HAPSTR1: variants seen among roughly 807,000 people sequenced by gnomAD.
HAPSTR1 encodes HUWE1-associated protein modifying stress responses 1.
the HAPSTR1 span, chr16:9,109,308 G>A: frequency 6.6e-6 from 1 of 152,094 alleles, no homozygotes; most frequent in Admixed American, 6.5e-5. Flanking sequence ...ATGAGGGTTA[G>A]GTGAAAGGGT....
the HAPSTR1 span, chr16:9,092,971 G>T: frequency 6.2e-7 from 1 of 1,608,114 alleles, no homozygotes; most frequent in Non-Finnish European, 8.5e-7. Flanking sequence ...CTTCCAAAAC[G>T]CAGCCACCGC....
the HAPSTR1 span, chr16:9,117,969 T>TA: frequency 6.6e-6 from 1 of 152,654 alleles, no homozygotes; most frequent in African/African-American, 2.4e-5. Flanking sequence ...ATCCCTCTCC[T>TA]AAAAAGTTCA....
At chr16:9,091,706 G>A in the HAPSTR1 span, 10 of 398,970 alleles carry the variant, frequency 2.5e-5, no homozygotes, top group African/African-American at 6.2e-5. Context: ...GGCGATCAGC[G>A]GCGGCGGCGG....
At chr16:9,104,815 A>G in the HAPSTR1 span, 2 of 152,254 alleles carry the variant, frequency 1.3e-5, no homozygotes, top group South Asian at 2.1e-4. Context: ...TGGGAAAACA[A>G]TTAACTAGAG....
chr16:9,092,605 G>T, the HAPSTR1 span, among the ~76,000 whole-genome samples: 1 of 152,080 alleles, frequency 6.6e-6, no homozygotes, highest in Non-Finnish European at 1.5e-5. Context: ...AAGGGAGACG[G>T]CGGGGCGGCC....
At chr16:9,095,463 G>A in the HAPSTR1 span, among the ~76,000 whole-genome samples, 2 of 152,008 alleles carry the variant, frequency 1.3e-5, no homozygotes, top group African/African-American at 2.4e-5. Flanking sequence ...AAAATTTGGT[G>A]GATACTTCTA....
the HAPSTR1 span, among the ~76,000 whole-genome samples, chr16:9,095,817 C>T: frequency 6.6e-6 from 1 of 152,128 alleles, no homozygotes; most frequent in Non-Finnish European, 1.5e-5. Context: ...GTGGTTACCT[C>T]TACTGTAAAT....
At chr16:9,114,589 G>T in the HAPSTR1 span, among the ~76,000 whole-genome samples, 1 of 152,122 alleles carries the variant, frequency 6.6e-6, no homozygotes, top group Non-Finnish European at 1.5e-5. Flanking sequence ...GTCGGGATAC[G>T]GTCTAAGGGT....
chr16:9,092,512 G>A, the HAPSTR1 span, among the ~76,000 whole-genome samples: 1 of 152,164 alleles, frequency 6.6e-6, no homozygotes, highest in Non-Finnish European at 1.5e-5. Context: ...GTGGTCCGAG[G>A]GTCCCCGCTC....
the HAPSTR1 span, chr16:9,092,398 C>A: frequency 1.2e-6 from 1 of 812,504 alleles, no homozygotes; most frequent in Non-Finnish European, 1.6e-6. Flanking sequence ...CGGCCGGTGG[C>A]TCCGCGGCCC....
At chr16:9,099,067 C>T in the HAPSTR1 span, among the ~76,000 whole-genome samples, 1 of 151,890 alleles carries the variant, frequency 6.6e-6, no homozygotes, top group Non-Finnish European at 1.5e-5. Flanking sequence ...CACCCCAGCC[C>T]GTTGTGGTGG....
At chr16:9,109,574 T>C in the HAPSTR1 span, 1 of 152,194 alleles carries the variant, frequency 6.6e-6, no homozygotes, top group Non-Finnish European at 1.5e-5. Context: ...TCTGTAAAGT[T>C]ACACATCATT....
At chr16:9,115,990 A>G in the HAPSTR1 span, among the ~76,000 whole-genome samples, 2 of 152,216 alleles carry the variant, frequency 1.3e-5, no homozygotes, top group Admixed American at 1.3e-4. Context: ...TCCATGAAGG[A>G]TTAGAGAGGC....
chr16:9,113,985 T>C, the HAPSTR1 span, among the ~76,000 whole-genome samples: 2 of 152,228 alleles, frequency 1.3e-5, no homozygotes, highest in Admixed American at 6.5e-5. Context: ...TGAAGTATTA[T>C]TCTTTTTCAG....
At chr16:9,093,091 C>A in the HAPSTR1 span, 9 of 1,266,286 alleles carry the variant, frequency 7.1e-6, no homozygotes, top group Non-Finnish European at 1.1e-6. Context: ...TTTCTGCTCC[C>A]CAGCCCAGCT....
chr16:9,121,162 C>T, the HAPSTR1 span: 1 of 152,176 alleles, frequency 6.6e-6, no homozygotes, highest in Non-Finnish European at 1.5e-5. Flanking sequence ...CCATGTTGGC[C>T]AGGCCAGTCT....
the HAPSTR1 span, chr16:9,108,351 TG>T: frequency 6.6e-6 from 1 of 152,184 alleles, no homozygotes; most frequent in Admixed American, 6.5e-5. Flanking sequence ...TATTTATTTT[TG>T]ATTTTTTATT....
the HAPSTR1 span, among the ~76,000 whole-genome samples, chr16:9,095,214 TTTC>T: frequency 1.3e-5 from 2 of 152,204 alleles, no homozygotes; most frequent in African/African-American, 2.4e-5. Flanking sequence ...AGTGCAACGT[TTTC>T]TTATTTGATT....
At chr16:9,118,163 T>C in the HAPSTR1 span, 1 of 152,776 alleles carries the variant, frequency 6.5e-6, no homozygotes. Flanking sequence ...ATAGTGTTTT[T>C]TTAGATGAAG....
Sources: gnomAD v4.1 joint callset for allele counts (sites outside exome capture counted in the v4.1 genomes callset) on GRCh38, gnomAD v4.1.1 for gene constraint, MANE v1.5 for transcripts, NCBI Gene and HGNC (gene_info 2026-07-23, HGNC 2026-07-21) for gene names.